Variants in PRICKLE1 observed in about 807,000 individuals in gnomAD.
PRICKLE1 encodes prickle planar cell polarity protein 1.
Under a neutral mutation model 70.2 loss-of-function variants are expected in PRICKLE1, and 14 were observed. The ratio of observed to expected loss-of-function variants is 0.20; its 90% CI spans 0.13 to 0.31. The LOEUF is 0.31. PRICKLE1 is among the 10% of genes least tolerant of loss of function. PRICKLE1 has a pLI of 1.00. For missense variants in PRICKLE1, 821 were observed against 1,026.2 expected, an observed-to-expected ratio of 0.80 and a Z score of 2.73; for synonymous variants, 357 against 379.9, an observed-to-expected ratio of 0.94 and a Z score of 0.70.
Position 42,557,838 on chromosome 12 carries a change from T to C in PRICKLE1, c.-49+31627A>G, listed in dbSNP as rs373569708. On this transcript the variant is annotated intron_variant, in intron 1 of 7. Transcript: ENST00000345127. ...GCTCCTCAAACACACACTAAGCTAC[T>C]CATTCCAGAATCATCACAATCTTTT... Among the ~76,000 whole-genome samples, 13 of 152,326 alleles carry C rather than the reference T, an allele frequency of 8.5e-5. 1 individual carries two copies. The highest frequency in any genetic ancestry group is 6.8e-3 in the Middle Eastern group (2 of 292).
At chr12:42,562,947 T>G (rs1418668073) in intron 1 of PRICKLE1, among the ~76,000 whole-genome samples, 6 of 152,128 alleles carry the variant, frequency 3.9e-5, no homozygotes, top group Non-Finnish European at 8.8e-5. Flanking sequence ...CTCAGCACTT[T>G]GGGAGGCCGA....
chr12:42,459,587 G>A lies in PRICKLE1; in HGVS notation c.*222C>T, dbSNP rs1937717501. On this transcript the variant is annotated 3_prime_UTR_variant, in exon 8 of 8. Coordinates refer to ENST00000345127, the MANE Select transcript of PRICKLE1 (RefSeq NM_153026.3). ...TCTGTAACGCACCCGCACCGGACAG[G>A]CACGAGATGTCACGTCCACCTGGCA... 19 of 641,840 alleles carry A rather than the reference G, an allele frequency of 3.0e-5. No individual in the cohort carries two copies. In the South Asian group the frequency reaches 3.6e-4, roughly 12 times the overall value. The allele number at this position is 641,840 out of a possible 1,614,324, so 39.8% of individuals were successfully genotyped here. A position where few individuals can be genotyped will look rare whatever the true frequency, so the allele number is the denominator to read the frequency against.
At chr12:42,562,960 C>T (rs559188510) in intron 1 of PRICKLE1, among the ~76,000 whole-genome samples, 20 of 152,082 alleles carry the variant, frequency 1.3e-4, no homozygotes, top group African/African-American at 4.3e-4. Flanking sequence ...GAGGCCGAGG[C>T]GGGCCTGAGG....
In PRICKLE1 at chr12:42,494,349, A is replaced by C. The variant is rs1939156906; in HGVS notation, c.-48-21785T>G. ...TTGGTAGCATTTTACCCGCAGTAGA[A>C]TTTCTTTCAAAATTGGAGTCAATCC... On this transcript the variant is annotated intron_variant, in intron 1 of 7. Transcript: ENST00000345127. 2.6e-5 allele frequency among the ~76,000 whole-genome samples: 4 copies of C among 152,234 alleles called. No individual in the cohort carries two copies. In the South Asian group the frequency reaches 8.3e-4, roughly 31 times the overall value.
At chr12:42,568,156 ACTT>A in intron 1 of PRICKLE1, among the ~76,000 whole-genome samples, 3 of 152,278 alleles carry the variant, frequency 2.0e-5, no homozygotes, top group Middle Eastern at 3.4e-3. Flanking sequence ...AATAGGGAAC[ACTT>A]TTTGCATTAT....
chr12:42,460,054 A>G lies in PRICKLE1; in HGVS notation c.2251T>C (p.Phe751Leu). ...TCATCCTCGCCGTAGAGTCCCAGAAACCGATTCATTCCTGGGTTCTGCAGG... is the reference window on the plus strand; with the variant it reads ...TCATCCTCGCCGTAGAGTCCCAGAAGCCGATTCATTCCTGGGTTCTGCAGG... The part of the protein sequence containing the change: ...YGLQNPGMNR[F>L]LGLYGEDDDS... Residue 751 changes from phenylalanine (F) to leucine (L), a missense_variant, in exon 8 of 8, where the codon TTT becomes CTT. Physicochemically the swap from Phe to Leu is conservative, Grantham distance 22 (BLOSUM62 0). Coordinates refer to ENST00000345127, the MANE Select transcript of PRICKLE1 (RefSeq NM_153026.3). 1 of 1,613,750 alleles carries G rather than the reference A, an allele frequency of 6.2e-7. No individual in the cohort carries two copies. The highest frequency in any genetic ancestry group is 1.1e-5 in the South Asian group (1 of 91,040).
chr12:42,549,337 G>T (rs1429422865), intron 1 of PRICKLE1, among the ~76,000 whole-genome samples: 1 of 152,026 alleles, frequency 6.6e-6, no homozygotes, highest in South Asian at 2.1e-4. Flanking sequence ...TAAGGAATTC[G>T]CATGACTACA....
intron 1 of PRICKLE1, among the ~76,000 whole-genome samples, chr12:42,515,290 A>G (rs1439376310): frequency 6.8e-6 from 1 of 146,016 alleles, no homozygotes; most frequent in Non-Finnish European, 1.5e-5. Flanking sequence ...CCCAGGCTGG[A>G]GTGCAATGGT....
intron 1 of PRICKLE1, among the ~76,000 whole-genome samples, chr12:42,516,643 A>G (rs1939616891): frequency 6.6e-6 from 1 of 152,112 alleles, no homozygotes; most frequent in South Asian, 2.1e-4. Flanking sequence ...CATATTTAAT[A>G]GTGAGATACT....
intron 7 of PRICKLE1, chr12:42,463,718 C>CTCAAAAAAAAAAAGAGCTTGTT: frequency 6.6e-6 from 1 of 152,002 alleles, no homozygotes; most frequent in Middle Eastern, 3.4e-3. Context: ...GAAACTCCAC[C>CTCAAAAAAAAAAAGAGCTTGTT]TCAAAAAAAA....
At position 42,459,445 on chromosome 12, in the gene PRICKLE1, C is replaced by T; in HGVS notation, c.*364G>A. On this transcript the variant is annotated 3_prime_UTR_variant, in exon 8 of 8. Transcript: ENST00000345127. ...ACCTGACTTACATAAATGACAAACA[C>T]TAGTGCTTTACAAAGGTGGCTGGAG... The T allele has an allele frequency of 4.4e-6, 3 of 688,168 alleles. No individual in the cohort carries two copies. Among genetic ancestry groups the T allele is most frequent in the South Asian group, 3.0e-5 (2 of 65,582 alleles). 42.6% of individuals were successfully genotyped at this position (688,168 alleles called of 1,614,324 possible).
At chr12:42,577,439 T>C (rs1364699353) in intron 1 of PRICKLE1, among the ~76,000 whole-genome samples, 2 of 152,140 alleles carry the variant, frequency 1.3e-5, no homozygotes, top group African/African-American at 4.8e-5. Context: ...CACTGAATAA[T>C]AAATAAGGCT....
chr12:42,585,577 A>G (rs1234498237), intron 1 of PRICKLE1, among the ~76,000 whole-genome samples: 3 of 152,102 alleles, frequency 2.0e-5, no homozygotes, highest in African/African-American at 7.2e-5. Context: ...AAGTGATCTG[A>G]TTATTCTATC....
intron 1 of PRICKLE1, among the ~76,000 whole-genome samples, chr12:42,541,660 A>C (rs1940118786): frequency 6.6e-6 from 1 of 152,050 alleles, no homozygotes; most frequent in South Asian, 2.1e-4. Context: ...TTTTTTGAGC[A>C]CAGAACTGTT....
chr12:42,531,297 C>T (rs113368244), intron 1 of PRICKLE1, among the ~76,000 whole-genome samples: 3,534 of 152,124 alleles, frequency 0.023, 89 homozygotes, highest in East Asian at 0.12. Context: ...CCACCCGCCT[C>T]GGCCTCCCAA....
intron 1 of PRICKLE1, among the ~76,000 whole-genome samples, chr12:42,539,936 G>C (rs931317489): frequency 6.6e-6 from 1 of 152,172 alleles, no homozygotes; most frequent in Non-Finnish European, 1.5e-5. Context: ...TAATGTCCTG[G>C]AGAATACTTG....
At chr12:42,493,504 C>A (rs1939140450) in intron 1 of PRICKLE1, among the ~76,000 whole-genome samples, 1 of 152,204 alleles carries the variant, frequency 6.6e-6, no homozygotes, top group Middle Eastern at 3.4e-3. Context: ...CTTTAGAAAG[C>A]CTGAATTTCT....
At chr12:42,579,684 T>TA (rs1284989985) in intron 1 of PRICKLE1, among the ~76,000 whole-genome samples, 1 of 152,148 alleles carries the variant, frequency 6.6e-6, no homozygotes, top group Non-Finnish European at 1.5e-5. Flanking sequence ...TGGCCACGTG[T>TA]AAAAGTTCAA....
intron 1 of PRICKLE1, among the ~76,000 whole-genome samples, chr12:42,489,081 G>A (rs149711103): frequency 0.081 from 12,219 of 151,598 alleles, 520 homozygotes; most frequent in Middle Eastern, 0.14. Context: ...GCGCAACCAC[G>A]CCTGGCTAAT....
Sources: allele counts gnomAD v4.1 joint callset (sites outside exome capture counted in the v4.1 genomes callset), GRCh38; gene constraint gnomAD v4.1.1; transcripts MANE v1.5; gene names NCBI Gene and HGNC (gene_info 2026-07-23, HGNC 2026-07-21).